The following SLC41A3 variants were observed in gnomAD, a reference collection of about 807,000 sequenced individuals.
The protein encoded by SLC41A3 is solute carrier family 41 member 3.
In SLC41A3, 44 loss-of-function variants were observed where a neutral mutation model predicts 45.4. That is an observed-to-expected ratio of 0.97 (90% CI 0.76 to 1.25). The LOEUF is 1.25. Among genes scored for constraint, SLC41A3 ranks in the 50% most tolerant of loss-of-function variants. The pLI is 0.00. For missense variants in SLC41A3, 550 were observed against 600.6 expected (o/e 0.92, Z 0.88); for synonymous variants, 256 against 252.4 (o/e 1.01, Z -0.13).
In SLC41A3 at chr3:126,096,282, G is replaced by A. The variant is rs147177223; in HGVS notation, c.-79+5147C>T. On this transcript the variant is annotated intron_variant, in intron 1 of 9. Coordinates refer to the SLC41A3 transcript ENST00000508835. ...GTTGTTTTTCTTTGTATAGTCTGCA[G>A]ATGCGGATCCTGACTCCTATGAGAA... is the stretch of plus-strand genomic sequence containing the variant. Among the ~76,000 whole-genome samples the A allele has an allele frequency of 1.7e-3, 264 of 152,296 alleles. 1 individual carries two copies. The highest frequency in any genetic ancestry group is 6.2e-3 in the African/African-American group (259 of 41,550).
intron 4 of SLC41A3, among the ~76,000 whole-genome samples, chr3:126,033,207 A>G (rs1941930926): frequency 6.6e-6 from 1 of 152,228 alleles, no homozygotes; most frequent in African/African-American, 2.4e-5. Context: ...ACAGATGCCC[A>G]GAAAAAGTAA....
chr3:126,061,594 G>A (rs1226216437), intron 2 of SLC41A3, among the ~76,000 whole-genome samples: 2 of 152,226 alleles, frequency 1.3e-5, no homozygotes, highest in African/African-American at 4.8e-5. Context: ...ATGAATGAAT[G>A]AACGAACTGC....
intron 2 of SLC41A3, among the ~76,000 whole-genome samples, chr3:126,060,461 C>T (rs1370362042): frequency 6.6e-6 from 1 of 152,048 alleles, no homozygotes; most frequent in East Asian, 1.9e-4. Context: ...CACACACACA[C>T]GTGCATGCAC....
upstream of SLC41A3, among the ~76,000 whole-genome samples, chr3:126,085,198 A>G (rs554854906): frequency 1.6e-4 from 24 of 152,308 alleles, no homozygotes; most frequent in African/African-American, 4.8e-4. Context: ...TTTATTTCTT[A>G]AATGAACTTA....
intron 2 of SLC41A3, among the ~76,000 whole-genome samples, chr3:126,055,475 T>C (rs893474381): frequency 6.6e-6 from 1 of 152,102 alleles, no homozygotes; most frequent in African/African-American, 2.4e-5. Context: ...GATCACGCCA[T>C]TGCATTCCAG....
chr3:126,007,194 A>G lies in SLC41A3; in HGVS notation c.1286T>C (p.Met429Thr). 2.5e-6 allele frequency: 4 copies of G among 1,614,064 alleles called. No individual in the cohort carries two copies. Among genetic ancestry groups the G allele is most frequent in the Non-Finnish European group, 1.7e-6 (2 of 1,179,916 alleles). ...VTILLYLAEV[M>T]VRLTWHQALD... ...GGCCTGGTGCCAAGTCAGCCGAACC[A>G]TCACTTCTGCGAGGTACAGCAGGAT... The change falls in exon 11 of 11, where the codon ATG becomes ACG. Residue 429 changes from methionine (M) to threonine (T), a missense_variant. Met to Thr is a moderately conservative substitution (Grantham distance 81, BLOSUM62 -1). Coordinates refer to ENST00000360370, the MANE Select transcript of SLC41A3 (RefSeq NM_017836.4).
chr3:126,018,095 C>T (rs1171583490), intron 6 of SLC41A3, among the ~76,000 whole-genome samples: 1 of 152,198 alleles, frequency 6.6e-6, no homozygotes, highest in Non-Finnish European at 1.5e-5. Flanking sequence ...GCAGGTATTA[C>T]AGTCAGCTGC....
chr3:126,034,985 C>A (rs1942077751), intron 3 of SLC41A3, among the ~76,000 whole-genome samples: 1 of 152,234 alleles, frequency 6.6e-6, no homozygotes. Context: ...CACTGGCATC[C>A]AGGAGCACAT....
chr3:126,083,894 T>C (rs1252289608), intron 1 of SLC41A3, 199 bp downstream of exon 1: 8 of 132,334 alleles, frequency 6.0e-5, no homozygotes, highest in Admixed American at 5.1e-4. Flanking sequence ...CCGCGCGCCT[T>C]TCCCCCACCG....
intron 1 of SLC41A3, among the ~76,000 whole-genome samples, chr3:126,097,454 C>T (rs1945626194): frequency 1.3e-5 from 2 of 152,170 alleles, no homozygotes; most frequent in African/African-American, 2.4e-5. Context: ...AACCACCACC[C>T]AACATTTTCA....
At chr3:126,101,158 G>C (rs1227580055) in intron 1 of SLC41A3, among the ~76,000 whole-genome samples, 1 of 152,180 alleles carries the variant, frequency 6.6e-6, no homozygotes, top group Non-Finnish European at 1.5e-5. Context: ...CGTGTCACTG[G>C]GTCTGCTTCC....
At chr3:126,036,587 G>A (rs755569990) in intron 3 of SLC41A3, among the ~76,000 whole-genome samples, 2 of 152,098 alleles carry the variant, frequency 1.3e-5, no homozygotes, top group Non-Finnish European at 2.9e-5. Context: ...CTCCCTGTGG[G>A]TGTGAGTCCT....
intron 2 of SLC41A3, among the ~76,000 whole-genome samples, chr3:126,058,849 C>T (rs891771674): frequency 1.3e-5 from 2 of 152,116 alleles, no homozygotes; most frequent in Admixed American, 6.5e-5. Context: ...GGGGGCCATG[C>T]CCGTGCTCCT....
At chr3:126,081,539 G>A (rs1945152215) in intron 1 of SLC41A3, among the ~76,000 whole-genome samples, 1 of 152,232 alleles carries the variant, frequency 6.6e-6, no homozygotes, top group Non-Finnish European at 1.5e-5. Context: ...AATGATGGAT[G>A]TCTATATTGC....
chr3:126,099,455 T>C (rs759778946), intron 1 of SLC41A3, among the ~76,000 whole-genome samples: 2 of 152,200 alleles, frequency 1.3e-5, no homozygotes, highest in Non-Finnish European at 2.9e-5. Flanking sequence ...CTCACGCCCA[T>C]AATCCCAGCA....
chr3:126,093,989 C>A (rs1259056125), intron 1 of SLC41A3, among the ~76,000 whole-genome samples: 1 of 152,178 alleles, frequency 6.6e-6, no homozygotes, highest in Non-Finnish European at 1.5e-5. Context: ...TGGCAAAGCC[C>A]TTGAAGTATA....
intron 1 of SLC41A3, among the ~76,000 whole-genome samples, chr3:126,077,770 G>A (rs978809814): frequency 7.2e-5 from 11 of 152,202 alleles, no homozygotes; most frequent in Non-Finnish European, 1.3e-4. Context: ...CCTTGCAGCA[G>A]GGAGAAGCTG....
In SLC41A3 at chr3:126,007,110, G is replaced by A. The variant is rs372659614; in HGVS notation, c.1370C>T (p.Thr457Ile). 1 of 1,614,126 alleles carries A rather than the reference G, an allele frequency of 6.2e-7. No homozygotes were observed. Among genetic ancestry groups the A allele is most frequent in the Non-Finnish European group, 8.5e-7 (1 of 1,180,056 alleles). ...YLTGLGDLLG[T>I]GLLALCFFTD... is the part of the protein sequence containing the mutation. ...GAAAAAGCAGAGTGCCAGGAGGCCA[G>A]TACCGAGCAGGTCCCCCAGCCCTGT... Residue 457 changes from threonine (T) to isoleucine (I), a missense_variant, in exon 11 of 11, where the codon ACT (threonine) becomes ATT (isoleucine). Coordinates refer to ENST00000360370, the MANE Select transcript of SLC41A3 (RefSeq NM_017836.4).
chr3:126,020,889 T>C (rs940702919), intron 6 of SLC41A3, among the ~76,000 whole-genome samples: 2 of 151,698 alleles, frequency 1.3e-5, no homozygotes, highest in African/African-American at 4.8e-5. Context: ...CTTCTTTGTT[T>C]AGAGTTTTTT....
Sources: allele counts gnomAD v4.1 joint callset (sites outside exome capture counted in the v4.1 genomes callset), GRCh38; gene constraint gnomAD v4.1.1; transcripts MANE v1.5; gene names NCBI Gene and HGNC (gene_info 2026-07-23, HGNC 2026-07-21).